ADAMTS1: variants seen among roughly 807,000 people sequenced by gnomAD.
ADAMTS1 encodes the protein A disintegrin and metalloproteinase with thrombospondin motifs 1.
ADAMTS1 carries 19 observed loss-of-function variants against 87.9 expected under a neutral mutation model. That is an observed-to-expected ratio of 0.22 (90% CI 0.15 to 0.32). ADAMTS1 has a LOEUF of 0.32. ADAMTS1 is among the 10% of genes least tolerant of loss of function. The probability of loss-of-function intolerance (pLI) is 1.00; values close to 1 mark genes in which losing one functional copy is unlikely to be tolerated. For missense variants in ADAMTS1, 1,240 were observed against 1,259.1 expected (o/e 0.98, Z 0.23); for synonymous variants, 542 against 501.8 (o/e 1.08, Z -1.07).
intron 8 of ADAMTS1, 33 bp from the exon 9 acceptor site, chr21:26,838,311 A>T: frequency 6.3e-7 from 1 of 1,578,168 alleles, no homozygotes; most frequent in Non-Finnish European, 8.6e-7. Flanking sequence ...TAAATCTCTG[A>T]TTCATTGGCT....
At position 26,838,032 on chromosome 21, in the gene ADAMTS1, G is replaced by T. The variant is rs763651725; in HGVS notation, c.2451C>A (p.Leu817=). The T allele has an allele frequency of 1.9e-6, 3 of 1,614,094 alleles. No individual in the cohort carries two copies. Among genetic ancestry groups the T allele is most frequent in the Non-Finnish European group, 2.5e-6 (3 of 1,180,042 alleles). ...ALERIRSFSP[L]KEPLTIQVLT... ...GAACCTGGATGGTCAAGGGCTCTTT[G>T]AGAGGGCTAAAGCTGCGAATTCTTT... The change falls in exon 9 of 9, where the codon CTC becomes CTA. Residue 817 remains leucine, a synonymous_variant. Transcript: ENST00000284984.
rs1985453983 is a variant in ADAMTS1, at chr21:26,839,875, C to T, written c.1852G>A (p.Gly618Arg). The T allele has an allele frequency of 6.2e-7, 1 of 1,613,380 alleles. No homozygotes were observed. Among genetic ancestry groups the T allele is most frequent in the Non-Finnish European group, 8.5e-7 (1 of 1,179,766 alleles). The change falls in exon 6 of 9, where the codon GGA becomes AGA. Residue 618 changes from glycine to arginine, a missense_variant and splice_region_variant. Physicochemically the swap from Gly to Arg is moderately radical, Grantham distance 125. Around this residue, in one of 3 missense-constraint regions of ADAMTS1, gnomAD observed 317 missense variants for 410.3 expected, o/e 0.77. Transcript: ENST00000284984. ...CNLEDCPDNN[G>R]KTFREEQCEA... The stretch of plus-strand genomic sequence containing the variant: ...AAAACCAGAGTCCGTTGCTCCTCAC[C>T]ATTATTGTCTGGACAGTCCTCAAGG...
intron 7 of ADAMTS1, 46 bp downstream of exon 7, chr21:26,839,541 G>T: frequency 6.8e-7 from 1 of 1,474,860 alleles, no homozygotes; most frequent in Admixed American, 2.3e-5. Flanking sequence ...AAGGTAGCAA[G>T]CCCAGGCCTT....
rs913868280 is a variant in ADAMTS1 at position 26,838,753 on chromosome 21, C to T, written c.2029-139G>A. ...CCCTCTACACATTATGCATTTCATG[C>T]ATTTACCCTTCACTTTGGCATATTT... On this transcript the variant is annotated intron_variant, in intron 7 of 8. Coordinates refer to ENST00000284984, the MANE Select transcript of ADAMTS1 (RefSeq NM_006988.5). 7.7e-6 allele frequency: 6 copies of T among 777,360 alleles called. No individual in the cohort carries two copies. The South Asian group carries it at 1.1e-4, about 14-fold the overall frequency. 48.2% of individuals were successfully genotyped at this position (777,360 alleles called of 1,614,324 possible).
chr21:26,843,241 G>A (rs889902116), intron 1 of ADAMTS1, among the ~76,000 whole-genome samples: 1 of 152,168 alleles, frequency 6.6e-6, no homozygotes, highest in African/African-American at 2.4e-5. Context: ...ACTCTGCCCA[G>A]CAGCCTCTGG....
In ADAMTS1 at chr21:26,842,644, G is replaced by GGTGACT; in HGVS notation, c.766_771dup (p.Ser256_His257dup). 3 of 1,613,824 alleles carry GGTGACT rather than the reference G, an allele frequency of 1.9e-6. No individual in the cohort carries two copies. Among genetic ancestry groups the GGTGACT allele is most frequent in the Non-Finnish European group, 2.5e-6 (3 of 1,180,010 alleles). On this transcript the variant is annotated inframe_insertion, in exon 2 of 9. Transcript: ENST00000284984. ...GCCACAAGCATGGTTTCCACATAGC[G>GGTGACT]GTGACTGGACACAAATCGCTTCTTT...
chr21:26,844,578 G>C lies in ADAMTS1; in HGVS notation c.377C>G (p.Ser126Cys). 1 of 1,611,206 alleles carries C rather than the reference G, an allele frequency of 6.2e-7. No individual in the cohort carries two copies. Among genetic ancestry groups the C allele is most frequent in the Non-Finnish European group, 8.5e-7 (1 of 1,178,950 alleles). Residue 126 changes from serine (S) to cysteine (C), a missense_variant, in exon 1 of 9, where the codon TCC becomes TGC. By Grantham distance (112) the Ser-to-Cys change is moderately radical. This residue lies in a region of ADAMTS1 where 521 missense variants were observed against 449.7 expected (regional missense o/e 1.16). Transcript: ENST00000284984. ...GCTGGGATCGCCATTCACGGTGCCG[G>C]AGTAGAAGCAGTGCGCCAGGTCGGT... is the stretch of plus-strand genomic sequence containing the variant. ...PETDLAHCFY[S>C]GTVNGDPSSA...
Position 26,836,311 on chromosome 21 carries a change from A to T in ADAMTS1, c.*1268T>A, listed in dbSNP as rs1985362802. On this transcript the variant is annotated 3_prime_UTR_variant, in exon 9 of 9. Coordinates refer to ENST00000284984, the MANE Select transcript of ADAMTS1 (RefSeq NM_006988.5). The stretch of plus-strand genomic sequence containing the variant: ...ATTCCAAAAGTGTTCTTTTATTTCT[A>T]GTAACATATATTGTATAAATACTCT... 1.3e-5 allele frequency: 2 copies of T among 152,480 alleles called. No homozygotes were observed. The highest frequency in any genetic ancestry group is 1.3e-4 in the Admixed American group (2 of 15,286). 9.4% of individuals were successfully genotyped at this position (152,480 alleles called of 1,614,324 possible).
At chr21:26,841,703 G>A (rs771227155) in intron 3 of ADAMTS1, 155 bp downstream of exon 3, 12 of 813,880 alleles carry the variant, frequency 1.5e-5, no homozygotes, top group Non-Finnish European at 2.0e-5. Context: ...TAATAAAAAT[G>A]ACCATGTTTG....
Position 26,835,763 on chromosome 21 carries a change from C to G in ADAMTS1, c.*1816G>C, listed in dbSNP as rs934649687. On this transcript the variant is annotated 3_prime_UTR_variant, in exon 9 of 9. Coordinates refer to ENST00000284984, the MANE Select transcript of ADAMTS1 (RefSeq NM_006988.5). ...CAAAAAGCATCCAGAACTGAAAGCT[C>G]TTTCCATTTAATTTATGGTATATAC... 4 of 151,096 alleles carry G rather than the reference C, an allele frequency of 2.6e-5. No homozygotes were observed. Among genetic ancestry groups the G allele is most frequent in the African/African-American group, 9.7e-5 (4 of 41,432 alleles). 9.4% of individuals were successfully genotyped at this position (151,096 alleles called of 1,614,324 possible).
At position 26,844,940 on chromosome 21, in the gene ADAMTS1, C is replaced by T; in HGVS notation, c.15G>A (p.Val5=). MQRA[V]PEGFGRRKLG... ...GCTTGCGCCTTCCGAACCCCTCGGGCACAGCTCGCTGCATTGGAGCCCCAG... is the reference window on the plus strand; with the variant it reads ...GCTTGCGCCTTCCGAACCCCTCGGGTACAGCTCGCTGCATTGGAGCCCCAG... Residue 5 remains valine, a synonymous_variant, in exon 1 of 9, where the codon GTG becomes GTA. Coordinates refer to ENST00000284984, the MANE Select transcript of ADAMTS1 (RefSeq NM_006988.5). 6.6e-7 allele frequency: 1 copy of T among 1,508,576 alleles called. No homozygotes were observed. Among genetic ancestry groups the T allele is most frequent in the Non-Finnish European group, 8.8e-7 (1 of 1,130,800 alleles). 93.4% of individuals were successfully genotyped at this position (1,508,576 alleles called of 1,614,324 possible). A position where few individuals can be genotyped will look rare whatever the true frequency, so the allele number is the denominator to read the frequency against.
At position 26,839,605 on chromosome 21, in the gene ADAMTS1, G is replaced by A; in HGVS notation, c.2010C>T (p.Phe670=). The A allele has an allele frequency of 6.2e-7, 1 of 1,603,430 alleles. No individual in the cohort carries two copies. Among genetic ancestry groups the A allele is most frequent in the Non-Finnish European group, 8.5e-7 (1 of 1,171,858 alleles). ...GAACTACCTTGGGCTGCAAAACGAA[G>A]AAGTAGCCAATGCCTTTGGCTTGGC... is the stretch of plus-strand genomic sequence containing the variant. ...LICQAKGIGY[F]FVLQPKVVDG... is the part of the protein sequence containing the mutation. Residue 670 remains phenylalanine, a synonymous_variant, in exon 7 of 9, where the codon TTC becomes TTT. Transcript: ENST00000284984.
At position 26,844,471 on chromosome 21, in the gene ADAMTS1, G is replaced by A. The variant is rs1985570145; in HGVS notation, c.484C>T (p.Pro162Ser). ...LGEAYFIQPL[P>S]AASERLATAA... The stretch of plus-strand genomic sequence containing the variant: ...GTGGCGAGGCGCTCGCTGGCGGCGG[G>A]CAGCGGCTGGATGAAATACGCCTCC... The change falls in exon 1 of 9, where the codon CCC becomes TCC. Residue 162 changes from proline (P) to serine (S), a missense_variant. Coordinates refer to ENST00000284984, the MANE Select transcript of ADAMTS1 (RefSeq NM_006988.5). The A allele has an allele frequency of 6.3e-7, 1 of 1,585,852 alleles. No individual in the cohort carries two copies.
chr21:26,838,049 G>T lies in ADAMTS1; in HGVS notation c.2434C>A (p.Arg812Ser), dbSNP rs149580995. The T allele has an allele frequency of 1.9e-6, 3 of 1,614,028 alleles. No homozygotes were observed. The highest frequency in any genetic ancestry group is 4.5e-5 in the East Asian group (2 of 44,888). Residue 812 changes from arginine (R) to serine (S), a missense_variant, in exon 9 of 9, where the codon CGC becomes AGC. Transcript: ENST00000284984. ...GGCTCTTTGAGAGGGCTAAAGCTGC[G>T]AATTCTTTCCAATGCCGCAGAGGAG... ...SGSSAALERI[R>S]SFSPLKEPLT...
chr21:26,838,375 T>TC, intron 8 of ADAMTS1, 64 bp downstream of exon 8: 1 of 1,595,836 alleles, frequency 6.3e-7, no homozygotes, highest in South Asian at 1.1e-5. Flanking sequence ...CATATTTTTT[T>TC]CCCAGACCTG....
rs532530374 is a variant in ADAMTS1 at position 26,839,905 on chromosome 21, A to C, written c.1822T>G (p.Cys608Gly). The C allele has an allele frequency of 6.2e-7, 1 of 1,614,028 alleles. No homozygotes were observed. Among genetic ancestry groups the C allele is most frequent in the African/African-American group, 1.3e-5 (1 of 75,006 alleles). Residue 608 changes from cysteine (C) to glycine (G), a missense_variant, in exon 6 of 9, where the codon TGT becomes GGT. Transcript: ENST00000284984. ...CEGKRVRYRSCNLEDCPDNNG... is the reference protein window; with the variant it reads ...CEGKRVRYRSGNLEDCPDNNG... The stretch of plus-strand genomic sequence containing the variant: ...TTGTCTGGACAGTCCTCAAGGTTAC[A>C]GGATCTGTAGCGCACTCGTTTGCCT...
At chr21:26,839,827 A>C (rs762819770) in intron 6 of ADAMTS1, 48 bp downstream of exon 6, 1 of 1,605,390 alleles carries the variant, frequency 6.2e-7, no homozygotes, top group Non-Finnish European at 8.5e-7. Flanking sequence ...TTGTGGGTAC[A>C]TCTTTTTTTA....
At chr21:26,838,770 G>A in intron 7 of ADAMTS1, 156 bp from the exon 8 acceptor site, 1 of 711,144 alleles carries the variant, frequency 1.4e-6, no homozygotes, top group Non-Finnish European at 2.2e-6. Flanking sequence ...CCTTCACTTT[G>A]GCATATTTTT....
intron 7 of ADAMTS1, 197 bp from the exon 8 acceptor site, chr21:26,838,811 A>C: frequency 2.0e-6 from 1 of 504,856 alleles, no homozygotes; most frequent in Non-Finnish European, 3.4e-6. Flanking sequence ...TGAAGAAATT[A>C]GATATTTTTA....
Sources: allele counts gnomAD v4.1 joint callset (sites outside exome capture counted in the v4.1 genomes callset), GRCh38; gene constraint gnomAD v4.1.1; regional missense constraint gnomAD v4.1.1; transcripts MANE v1.5; gene names NCBI Gene and HGNC (gene_info 2026-07-23, HGNC 2026-07-21).